ADPRHL1: variants seen among roughly 807,000 people sequenced by gnomAD.
The protein encoded by ADPRHL1 is inactive ADP-ribosyltransferase ARH2.
ADPRHL1 carries 43 observed loss-of-function variants against 44.1 expected under a neutral mutation model. The ratio of observed to expected loss-of-function variants is 0.98; its 90% CI spans 0.76 to 1.26. ADPRHL1 has a LOEUF of 1.26. Among genes scored for constraint, ADPRHL1 ranks in the 50% most tolerant of loss-of-function variants. ADPRHL1 has a pLI of 0.00. For synonymous variants in ADPRHL1, 878 were observed against 1,017.4 expected (o/e 0.86, Z 2.61); for missense variants, 2,022 against 2,496.9 (o/e 0.81, Z 4.05).
intron 3 of ADPRHL1, among the ~76,000 whole-genome samples, chr13:113,431,377 C>T (rs1432510965): frequency 2.6e-5 from 4 of 152,238 alleles, no homozygotes; most frequent in South Asian, 2.1e-4. Flanking sequence ...GGCTGTTGGG[C>T]CACTCTTGAA....
rs984340421 is a variant in ADPRHL1, at chr13:113,430,886, C to T, written c.506-1794G>A. 2.6e-5 allele frequency among the ~76,000 whole-genome samples: 4 copies of T among 152,196 alleles called. No homozygotes were observed. In the South Asian group the frequency reaches 8.3e-4, roughly 31 times the overall value. ...GAGTGGCCATGCAGGGGAGCAGTGA[C>T]CCCCGTTGCCGAGCCCTTGCCCCAC... On this transcript the variant is annotated intron_variant, in intron 3 of 7. Coordinates refer to ENST00000612156, the MANE Select transcript of ADPRHL1 (RefSeq NM_001394807.1).
intron 3 of ADPRHL1, among the ~76,000 whole-genome samples, chr13:113,431,177 T>C (rs959409082): frequency 1.3e-5 from 2 of 152,182 alleles, no homozygotes; most frequent in Non-Finnish European, 2.9e-5. Flanking sequence ...CGTTCTGACA[T>C]CCCACTTCTC....
intron 3 of ADPRHL1, among the ~76,000 whole-genome samples, chr13:113,432,685 A>G (rs115482570): frequency 0.011 from 1,637 of 152,292 alleles, 37 homozygotes; most frequent in African/African-American, 0.038. Context: ...AGGCCGGCAG[A>G]GCTGCGTGTT....
chr13:113,452,309 G>A (rs1187468837), intron 1 of ADPRHL1, among the ~76,000 whole-genome samples: 1 of 152,188 alleles, frequency 6.6e-6, no homozygotes, highest in Admixed American at 6.6e-5. Context: ...CGGCGCTTCA[G>A]CTCTCCCGTT....
chr13:113,412,399 C>G (rs909721399), intron 7 of ADPRHL1, among the ~76,000 whole-genome samples: 1 of 152,176 alleles, frequency 6.6e-6, no homozygotes, highest in Non-Finnish European at 1.5e-5. Flanking sequence ...AGGATGGTCT[C>G]GATCTCCTGA....
chr13:113,422,640 C>A, intron 7 of ADPRHL1, 186 bp downstream of exon 7: 1 of 760,454 alleles, frequency 1.3e-6, no homozygotes. Context: ...TCTCGCAGGA[C>A]AAACAATGTA....
chr13:113,448,491 A>AAAAAAAAAG (rs2044157655), intron 1 of ADPRHL1, among the ~76,000 whole-genome samples: 2 of 150,526 alleles, frequency 1.3e-5, no homozygotes, highest in African/African-American at 4.9e-5. Context: ...AAAAAAAAAA[A>AAAAAAAAAG]TGGTGCCTGA....
At chr13:113,450,741 A>G (rs1206879565) in intron 1 of ADPRHL1, among the ~76,000 whole-genome samples, 1 of 152,140 alleles carries the variant, frequency 6.6e-6, no homozygotes, top group African/African-American at 2.4e-5. Context: ...TGATAGTACT[A>G]ATTTTTCACT....
In ADPRHL1 at chr13:113,406,991, G is replaced by A. The variant is rs761284437; in HGVS notation, c.2291C>T (p.Thr764Met). 34 of 1,232,142 alleles carry A rather than the reference G, an allele frequency of 2.8e-5. No individual in the cohort carries two copies. Among genetic ancestry groups the A allele is most frequent in the Admixed American group, 1.3e-4 (3 of 23,706 alleles). The allele number at this position is 1,232,142 out of a possible 1,614,324, so 76.3% of individuals were successfully genotyped here. A position where few individuals can be genotyped will look rare whatever the true frequency, so the allele number is the denominator to read the frequency against. Residue 764 changes from threonine to methionine, a missense_variant, in exon 8 of 8, where the codon ACG becomes ATG. By Grantham distance (81) the Thr-to-Met change is moderately conservative (BLOSUM62 -1). This residue lies in a region of ADPRHL1 where 1,221 missense variants were observed against 1,517.8 expected (regional missense o/e 0.80). Coordinates refer to ENST00000612156, the MANE Select transcript of ADPRHL1 (RefSeq NM_001394807.1). ...GVQEVRGARL[T>M]WPPGPPGECA... Reference sequence around the variant, plus strand: ...CTCGCCTGGGGGCCCAGGAGGCCACGTGAGCCTGGCTCCCCTCACCTCCTG... The same window carrying A: ...CTCGCCTGGGGGCCCAGGAGGCCACATGAGCCTGGCTCCCCTCACCTCCTG...
chr13:113,439,811 G>C (rs1256372019), intron 2 of ADPRHL1, among the ~76,000 whole-genome samples: 1 of 152,228 alleles, frequency 6.6e-6, no homozygotes. Flanking sequence ...AGTGACCTTC[G>C]GTAGTTTATG....
chr13:113,418,040 G>T (rs544019722), intron 7 of ADPRHL1, among the ~76,000 whole-genome samples: 2 of 152,204 alleles, frequency 1.3e-5, no homozygotes, highest in Admixed American at 1.3e-4. Context: ...CAATCGCCAG[G>T]GTTTGCTGAG....
Position 113,453,161 on chromosome 13 carries a change from G to A in ADPRHL1, c.214+63C>T. The A allele has an allele frequency of 3.2e-6, 5 of 1,577,366 alleles. No individual in the cohort carries two copies. The highest frequency in any genetic ancestry group is 1.3e-5 in the African/African-American group (1 of 74,258). ...TTCAAAGCTCTCGGAGGCTTACTGG[G>A]AGAACTCGAGCAGCCAGTGTTCCCT... On this transcript the variant is annotated intron_variant, in intron 1 of 7. Transcript: ENST00000612156. This position sits in a 1 kb window ranked among gnomAD's most constrained non-coding sequence, Gnocchi z 5.4.
At chr13:113,430,498 G>A (rs1344490756) in intron 3 of ADPRHL1, among the ~76,000 whole-genome samples, 1 of 152,176 alleles carries the variant, frequency 6.6e-6, no homozygotes, top group Non-Finnish European at 1.5e-5. Context: ...CGTGGTGACA[G>A]TACCAGTAGC....
At chr13:113,451,605 C>T (rs890982239) in intron 1 of ADPRHL1, among the ~76,000 whole-genome samples, 5 of 152,048 alleles carry the variant, frequency 3.3e-5, no homozygotes, top group African/African-American at 9.7e-5. Context: ...GTCAGGAGTT[C>T]GAGACCAGCC....
chr13:113,403,172 T>TC lies in ADPRHL1; in HGVS notation c.*205dup. 2.5e-6 allele frequency: 1 copy of TC among 404,012 alleles called. No homozygotes were observed. The highest frequency in any genetic ancestry group is 4.2e-6 in the Non-Finnish European group (1 of 237,530). 25.0% of individuals were successfully genotyped at this position (404,012 alleles called of 1,614,324 possible). A position where few individuals can be genotyped will look rare whatever the true frequency, so the allele number is the denominator to read the frequency against. ...GCCCGCACCTCCCACCCCCATGGCC[T>TC]CGTGGCTCTGTGGGGTGACAGGAAC... On this transcript the variant is annotated 3_prime_UTR_variant, in exon 8 of 8. Coordinates refer to ENST00000612156, the MANE Select transcript of ADPRHL1 (RefSeq NM_001394807.1).
chr13:113,411,071 C>A (rs1381168702), intron 7 of ADPRHL1, among the ~76,000 whole-genome samples: 3 of 152,152 alleles, frequency 2.0e-5, no homozygotes, highest in Admixed American at 6.5e-5. Flanking sequence ...ACATTCTGAT[C>A]ATCTGAATAA....
At chr13:113,438,123 G>A (rs763438853) in intron 2 of ADPRHL1, among the ~76,000 whole-genome samples, 13 of 151,972 alleles carry the variant, frequency 8.6e-5, no homozygotes, top group Non-Finnish European at 1.5e-4. Context: ...GAGCCACCAC[G>A]CCTGGCAGAA....
rs2139595396 is a variant in ADPRHL1, at chr13:113,406,954, C to T, written c.2328G>A (p.Glu776=). ...AAACAGTCATGGTGATTTCAGGGCC[C>T]TCCCCTGCACACTCGCCTGGGGGCC... ...PPGPPGECAG[E]GPEITMTVCS... is the part of the protein sequence containing the mutation. Residue 776 remains glutamate, a synonymous_variant, in exon 8 of 8, where the codon GAG becomes GAA. Transcript: ENST00000612156. 8.1e-7 allele frequency: 1 copy of T among 1,232,196 alleles called. No individual in the cohort carries two copies. The highest frequency in any genetic ancestry group is 1.0e-6 in the Non-Finnish European group (1 of 988,060). The allele number at this position is 1,232,196 out of a possible 1,614,324, so 76.3% of individuals were successfully genotyped here. A position where few individuals can be genotyped will look rare whatever the true frequency, so the allele number is the denominator to read the frequency against.
In ADPRHL1 at chr13:113,407,510, C is replaced by T. The variant is rs1169126087; in HGVS notation, c.1772G>A (p.Arg591His). Residue 591 changes from arginine to histidine, a missense_variant, in exon 8 of 8, where the codon CGC (arginine) becomes CAC (histidine). By Grantham distance (29) the Arg-to-His change is conservative. This residue lies in a region of ADPRHL1 where 1,221 missense variants were observed against 1,517.8 expected (regional missense o/e 0.80). Transcript: ENST00000612156. Reference protein sequence around the residue: ...QRKRMHRPEVRVLHTATMAST... With the variant: ...QRKRMHRPEVHVLHTATMAST... ...GGCCATGGTGGCCGTGTGCAGCACG[C>T]GCACCTCCGGCCGGTGCATCCTCTT... 2.0e-5 allele frequency: 25 copies of T among 1,231,976 alleles called. No individual in the cohort carries two copies. The highest frequency in any genetic ancestry group is 4.1e-5 in the South Asian group (1 of 24,320). 76.3% of individuals were successfully genotyped at this position (1,231,976 alleles called of 1,614,324 possible). A position where few individuals can be genotyped will look rare whatever the true frequency, so the allele number is the denominator to read the frequency against.
Sources: allele counts gnomAD v4.1 joint callset (sites outside exome capture counted in the v4.1 genomes callset), GRCh38; gene constraint gnomAD v4.1.1; regional missense constraint gnomAD v4.1.1; non-coding constraint Gnocchi (gnomAD v3.1); transcripts MANE v1.5; gene names NCBI Gene and HGNC (gene_info 2026-07-23, HGNC 2026-07-21).